The following PPA2 variants were observed in gnomAD, a reference collection of about 807,000 sequenced individuals.
PPA2 encodes the protein inorganic pyrophosphatase 2, mitochondrial.
In PPA2, 48 loss-of-function variants were observed where a neutral mutation model predicts 49.5. That is an observed-to-expected ratio of 0.97 (90% CI 0.77 to 1.23). The LOEUF is 1.23. PPA2 is among the 50% of genes most tolerant of loss of function. The pLI is 0.00. For missense variants in PPA2, 429 were observed against 410.1 expected (o/e 1.05, Z -0.40); for synonymous variants, 131 against 139.9 (o/e 0.94, Z 0.45).
At chr4:105,449,305 T>A (rs1722564449) in intron 4 of PPA2, 45 bp downstream of exon 4, 1 of 1,150,268 alleles carries the variant, frequency 8.7e-7, no homozygotes, top group African/African-American at 1.6e-5. Context: ...AAGTTTTATA[T>A]CATTATAATC....
At chr4:105,428,344 T>C (rs1308094072) in intron 6 of PPA2, among the ~76,000 whole-genome samples, 1 of 152,086 alleles carries the variant, frequency 6.6e-6, no homozygotes, top group Non-Finnish European at 1.5e-5. Context: ...AATTCATACA[T>C]AACAATATTA....
chr4:105,396,255 A>T lies in PPA2; in HGVS notation c.863T>A (p.Ile288Lys). ...AGAAAAGACAAATTCTTACCAATTT[A>T]TAGCTCCTCCATTACACTTCTTCAT... is the stretch of plus-strand genomic sequence containing the variant. The part of the protein sequence containing the change: ...LLMKKCNGGA[I>K]NCTNVQISDS... Residue 288 changes from isoleucine (I) to lysine (K), a missense_variant, in exon 9 of 12, where the codon ATA (isoleucine) becomes AAA (lysine). Ile to Lys is a moderately radical substitution (Grantham distance 102). Coordinates refer to ENST00000341695, the MANE Select transcript of PPA2 (RefSeq NM_176869.3). 6.4e-7 allele frequency: 1 copy of T among 1,568,630 alleles called. No individual in the cohort carries two copies. Among genetic ancestry groups the T allele is most frequent in the Non-Finnish European group, 8.7e-7 (1 of 1,152,624 alleles).
intron 6 of PPA2, among the ~76,000 whole-genome samples, chr4:105,429,163 T>C (rs933407372): frequency 1.3e-5 from 2 of 152,202 alleles, no homozygotes; most frequent in African/African-American, 4.8e-5. Context: ...TTCATTCTAC[T>C]GCCAAAACAA....
At chr4:105,416,091 G>A (rs1722992351) in intron 7 of PPA2, among the ~76,000 whole-genome samples, 1 of 152,196 alleles carries the variant, frequency 6.6e-6, no homozygotes, top group Admixed American at 6.5e-5. Flanking sequence ...TTCTCAATTT[G>A]AAGGAAATCT....
intron 7 of PPA2, among the ~76,000 whole-genome samples, chr4:105,418,893 T>C (rs1723126798): frequency 6.6e-6 from 1 of 152,152 alleles, no homozygotes; most frequent in African/African-American, 2.4e-5. Flanking sequence ...AGCTGTACAT[T>C]ATAGAAGGTG....
At chr4:105,445,747 T>G (rs892335245) in intron 5 of PPA2, among the ~76,000 whole-genome samples, 1 of 152,040 alleles carries the variant, frequency 6.6e-6, no homozygotes, top group Non-Finnish European at 1.5e-5. Context: ...ACTCACTAAA[T>G]AATCTGGAAG....
chr4:105,369,746 CACTT>C lies in PPA2; in HGVS notation c.980_983del (p.Gln327ArgfsTer9), dbSNP rs755508592. ...TCAATCACTTGCCAAGGAAGTGCCA[CACTT>C]GCTCTGCATTTAAAATGGGGAAAGA... is the stretch of plus-strand genomic sequence containing the variant. On this transcript the variant is annotated frameshift_variant, in exon 12 of 12. Coordinates refer to ENST00000341695, the MANE Select transcript of PPA2 (RefSeq NM_176869.3). LOFTEE classifies it high-confidence loss of function. 7 of 1,590,728 alleles carry C rather than the reference CACTT, an allele frequency of 4.4e-6. No individual in the cohort carries two copies. In the Admixed American group the frequency reaches 1.2e-4, roughly 27 times the overall value.
rs148545381 is a variant in PPA2 at position 105,408,952 on chromosome 4, A to G, written c.656-9788T>C. On this transcript the variant is annotated intron_variant, in intron 7 of 11. Transcript: ENST00000341695. ...GTCACTTCCAAAATGGCCAAATAGG[A>G]ACAGCTCTGGTCTGCAGCTCCCAGA... Among the ~76,000 whole-genome samples the G allele has an allele frequency of 2.8e-3, 432 of 152,320 alleles. 2 individuals are homozygous for G. Among genetic ancestry groups the G allele is most frequent in the African/African-American group, 9.7e-3 (404 of 41,584 alleles).
chr4:105,443,903 CAAAT>C (rs941282596), intron 5 of PPA2, among the ~76,000 whole-genome samples: 1 of 152,148 alleles, frequency 6.6e-6, no homozygotes, highest in African/African-American at 2.4e-5. Context: ...GATCTTTACT[CAAAT>C]AACACCTTTT....
At chr4:105,414,790 T>C (rs1722930360) in intron 7 of PPA2, among the ~76,000 whole-genome samples, 1 of 152,144 alleles carries the variant, frequency 6.6e-6, no homozygotes, top group African/African-American at 2.4e-5. Flanking sequence ...AGTTTCGCCA[T>C]TTGGGTGTTC....
intron 1 of PPA2, among the ~76,000 whole-genome samples, chr4:105,466,363 A>G (rs561616385): frequency 9.2e-5 from 14 of 151,942 alleles, no homozygotes; most frequent in Non-Finnish European, 1.9e-4. Context: ...CCCTGTTCCT[A>G]TGGAAATCAC....
intron 5 of PPA2, among the ~76,000 whole-genome samples, chr4:105,439,264 G>A (rs1488732085): frequency 1.3e-5 from 2 of 152,050 alleles, no homozygotes; most frequent in African/African-American, 2.4e-5. Context: ...ACAAACTCAT[G>A]GTTTCTATAT....
At chr4:105,412,146 G>A (rs923187969) in intron 7 of PPA2, among the ~76,000 whole-genome samples, 2 of 152,118 alleles carry the variant, frequency 1.3e-5, no homozygotes, top group African/African-American at 4.8e-5. Context: ...GCAATCCTAA[G>A]CAAAAAGAAC....
chr4:105,379,686 T>C (rs1321102615), intron 10 of PPA2, among the ~76,000 whole-genome samples: 12 of 146,074 alleles, frequency 8.2e-5, no homozygotes, highest in Non-Finnish European at 4.5e-5. Flanking sequence ...CAGGCTGGAG[T>C]GCAGTGGCGC....
At chr4:105,391,187 G>A (rs992338112) in intron 9 of PPA2, among the ~76,000 whole-genome samples, 13 of 152,024 alleles carry the variant, frequency 8.6e-5, no homozygotes, top group Non-Finnish European at 1.6e-4. Context: ...GCCTGCTGGT[G>A]GGGGGAGGGG....
rs183950026 is a variant in PPA2, at chr4:105,430,452, A to G, written c.529-6130T>C. 5.6e-3 allele frequency among the ~76,000 whole-genome samples: 857 copies of G among 152,342 alleles called. 6 individuals are homozygous for G. Among genetic ancestry groups the G allele is most frequent in the African/African-American group, 0.019 (803 of 41,580 alleles). On this transcript the variant is annotated intron_variant, in intron 6 of 11. Transcript: ENST00000341695. ...GCACTGTGTATTAAAGAAAGAATGA[A>G]TTGTTCTCAAGGATTTACAATCTTA...
intron 7 of PPA2, among the ~76,000 whole-genome samples, chr4:105,421,465 C>T (rs1347839367): frequency 2.6e-5 from 4 of 152,146 alleles, no homozygotes; most frequent in Admixed American, 2.6e-4. Flanking sequence ...AAAATGCCAT[C>T]TAAAATCCTG....
intron 3 of PPA2, among the ~76,000 whole-genome samples, chr4:105,451,425 T>G (rs771853489): frequency 1.2e-4 from 19 of 152,372 alleles, no homozygotes; most frequent in Non-Finnish European, 2.8e-4. Flanking sequence ...GAATAAATTC[T>G]CAATAGCTGC....
chr4:105,416,943 CAT>C (rs1723041051), intron 7 of PPA2, among the ~76,000 whole-genome samples: 2 of 152,130 alleles, frequency 1.3e-5, no homozygotes, highest in Non-Finnish European at 1.5e-5. Flanking sequence ...GGTAATTCTA[CAT>C]AGAGACTATA....
Sources: allele counts gnomAD v4.1 joint callset (sites outside exome capture counted in the v4.1 genomes callset), GRCh38; gene constraint gnomAD v4.1.1; transcripts MANE v1.5; gene names NCBI Gene and HGNC (gene_info 2026-07-23, HGNC 2026-07-21).